The following DST variants were observed in gnomAD, a reference collection of about 807,000 sequenced individuals.
DST encodes the protein dystonin, also known as bullous pemphigoid antigen.
A neutral mutation model predicts 875.2 loss-of-function variants in DST; 253 were observed. That is an observed-to-expected ratio of 0.29 (90% CI 0.26 to 0.32). The LOEUF is 0.32. DST is among the 10% of genes least tolerant of loss of function. The pLI, the probability that DST is intolerant of heterozygous loss-of-function variation, is 1.00. For synonymous variants in DST, 3,124 were observed against 3,197.1 expected, an observed-to-expected ratio of 0.98 and a Z score of 0.77; for missense variants, 8,287 against 9,111.6, an observed-to-expected ratio of 0.91 and a Z score of 3.68.
chr6:56,463,447 G>T, intron 101 of DST, 118 bp downstream of exon 101: 2 of 995,986 alleles, frequency 2.0e-6, no homozygotes, highest in Non-Finnish European at 2.9e-6. Flanking sequence ...AGTATGAGAA[G>T]GTGCACAAAT....
chr6:56,468,243 T>C (rs1562185524), intron 98 of DST, among the ~76,000 whole-genome samples: 1 of 152,192 alleles, frequency 6.6e-6, no homozygotes, highest in Non-Finnish European at 1.5e-5. Flanking sequence ...ATTCTGATCA[T>C]GATGTAGTGC....
Position 56,639,413 on chromosome 6 carries a change from T to C in DST, c.2859+37A>G, listed in dbSNP as rs149556351. On this transcript the variant is annotated intron_variant, in intron 21 of 103. Coordinates refer to ENST00000680361, the MANE Select transcript of DST (RefSeq NM_001374736.1). The stretch of plus-strand genomic sequence containing the variant: ...GTTAGAAAAATATATAAACCTAAAA[T>C]GCAACCCTAGTATGCAAGTACAAAG... 418 of 1,613,390 alleles carry C rather than the reference T, an allele frequency of 2.6e-4. 3 individuals are homozygous for C. The East Asian group carries it at 8.9e-3, about 34-fold the overall frequency.
At chr6:56,511,840 A>C (rs2096483510) in intron 72 of DST, among the ~76,000 whole-genome samples, 1 of 152,060 alleles carries the variant, frequency 6.6e-6, no homozygotes, top group Non-Finnish European at 1.5e-5. Flanking sequence ...AAAGAGAGAG[A>C]GAGAGAGACA....
intron 39 of DST, among the ~76,000 whole-genome samples, chr6:56,609,613 G>T (rs1270875294): frequency 6.6e-6 from 1 of 152,112 alleles, no homozygotes; most frequent in African/African-American, 2.4e-5. Flanking sequence ...ATATTGACAA[G>T]GTTAGTGAGG....
chr6:56,758,444 A>ACTATTG (rs111669724), intron 4 of DST, among the ~76,000 whole-genome samples: 37,909 of 151,906 alleles, frequency 0.25, 6,455 homozygotes, highest in African/African-American at 0.48. Flanking sequence ...TGTTCCAGTT[A>ACTATTG]CTATGTGACA....
chr6:56,605,269 G>A lies in DST; in HGVS notation c.9359C>T (p.Pro3120Leu). The A allele has an allele frequency of 6.2e-7, 1 of 1,610,320 alleles. No homozygotes were observed. The change falls in exon 40 of 104, where the codon CCA becomes CTA. Residue 3120 changes from proline to leucine, a missense_variant. By Grantham distance (98) the Pro-to-Leu change is moderately conservative. Transcript: ENST00000680361. ...KKATVTLKDE[P>L]NNLQIIVSKS... ...ACTAACTATTATTTGTAGATTATTTGGTTCATCTTTAAGAGTTACAGTTGC... is the reference window on the plus strand; with the variant it reads ...ACTAACTATTATTTGTAGATTATTTAGTTCATCTTTAAGAGTTACAGTTGC...
chr6:56,463,518 G>A (rs758870035), intron 101 of DST, 47 bp downstream of exon 101: 1 of 1,476,524 alleles, frequency 6.8e-7, no homozygotes, highest in Non-Finnish European at 9.1e-7. Flanking sequence ...GTCTACTTGG[G>A]ACATTGATTG....
intron 102 of DST, among the ~76,000 whole-genome samples, chr6:56,462,326 C>A (rs567196267): frequency 6.6e-6 from 1 of 152,206 alleles, no homozygotes; most frequent in African/African-American, 2.4e-5. Flanking sequence ...TTCATCTTGG[C>A]AAATTTTATA....
intron 4 of DST, among the ~76,000 whole-genome samples, chr6:56,764,850 G>A (rs533363445): frequency 2.6e-5 from 4 of 152,040 alleles, no homozygotes; most frequent in East Asian, 1.9e-4. Flanking sequence ...CCAGCTACTC[G>A]GGAGGCTGAG....
At chr6:56,679,740 C>G (rs2099148269) in intron 9 of DST, among the ~76,000 whole-genome samples, 1 of 152,208 alleles carries the variant, frequency 6.6e-6, no homozygotes, top group African/African-American at 2.4e-5. Context: ...CCACTACACT[C>G]CAGCCTGGTG....
chr6:56,819,375 T>C (rs896709173), intron 4 of DST, among the ~76,000 whole-genome samples: 1 of 152,168 alleles, frequency 6.6e-6, no homozygotes, highest in African/African-American at 2.4e-5. Context: ...ATATCACTAC[T>C]TGTAACTTAA....
intron 10 of DST, among the ~76,000 whole-genome samples, chr6:56,662,711 AG>A (rs1405723547): frequency 6.6e-6 from 1 of 152,074 alleles, no homozygotes; most frequent in Non-Finnish European, 1.5e-5. Flanking sequence ...AGGCCAAGGC[AG>A]GTGGATCATT....
chr6:56,573,915 C>CCACAAAGAGAA (rs778120940), intron 50 of DST, 28 bp from the exon 51 acceptor site: 4 of 1,535,050 alleles, frequency 2.6e-6, no homozygotes, highest in Non-Finnish European at 9.0e-7. Flanking sequence ...GGAATATTAA[C>CCACAAAGAGAA]CACAAAGTTC....
intron 89 of DST, 174 bp from the exon 90 acceptor site, chr6:56,482,352 CACTT>C (rs1731383436): frequency 1.3e-6 from 1 of 753,088 alleles, no homozygotes; most frequent in South Asian, 4.1e-5. Flanking sequence ...TACAAGAAAA[CACTT>C]AATATATTAA....
chr6:56,495,539 TC>T (rs2152447285), intron 82 of DST, among the ~76,000 whole-genome samples: 1 of 152,166 alleles, frequency 6.6e-6, no homozygotes, highest in East Asian at 1.9e-4. Context: ...ATCTATCTGT[TC>T]ATGAGTTCAT....
intron 36 of DST, chr6:56,615,454 C>T (rs965877157): frequency 5.6e-6 from 9 of 1,610,090 alleles, no homozygotes; most frequent in African/African-American, 4.0e-5. Flanking sequence ...TATCATCATA[C>T]TCTGAAAAAG....
intron 77 of DST, among the ~76,000 whole-genome samples, chr6:56,505,224 C>T (rs2152465681): frequency 6.6e-6 from 1 of 152,260 alleles, no homozygotes; most frequent in Admixed American, 6.5e-5. Context: ...TTTGCTAGCA[C>T]AGGTGATGCT....
At chr6:56,858,994 CCCTAAAATGTGGT>C (rs1238446100) in intron 3 of DST, among the ~76,000 whole-genome samples, 1 of 152,128 alleles carries the variant, frequency 6.6e-6, no homozygotes, top group East Asian at 1.9e-4. Flanking sequence ...GTACTAAGTG[CCCTAAAATGTGGT>C]CCTTGGCACT....
Position 56,482,736 on chromosome 6 carries a change from C to T in DST, c.21349G>A (p.Val7117Met), listed in dbSNP as rs772310756. ...MQELSTRWET[V>M]CALSISKQTR... Reference sequence around the variant, plus strand: ...TGCTTTGATATAGAAAGTGCACACACGGTCTCCCAGCGTGTGCTTAATTCC... The same window carrying T: ...TGCTTTGATATAGAAAGTGCACACATGGTCTCCCAGCGTGTGCTTAATTCC... Residue 7117 changes from valine (V) to methionine (M), a missense_variant, in exon 89 of 104, where the codon GTG (valine) becomes ATG (methionine). Val to Met is a conservative substitution (Grantham distance 21). Around this residue, in one of 10 missense-constraint regions of DST, gnomAD observed 1,292 missense variants for 1,552.7 expected, o/e 0.83. Transcript: ENST00000680361. The T allele has an allele frequency of 7.4e-6, 12 of 1,613,750 alleles. No individual in the cohort carries two copies. Among genetic ancestry groups the T allele is most frequent in the African/African-American group, 2.7e-5 (2 of 74,902 alleles).
Sources: allele counts gnomAD v4.1 joint callset (sites outside exome capture counted in the v4.1 genomes callset), GRCh38; gene constraint gnomAD v4.1.1; regional missense constraint gnomAD v4.1.1; transcripts MANE v1.5; gene names NCBI Gene and HGNC (gene_info 2026-07-23, HGNC 2026-07-21).